PUDP: variants seen among roughly 807,000 people sequenced by gnomAD.
PUDP encodes the protein pseudouridine 5'-phosphatase.
Under a neutral mutation model 9.4 loss-of-function variants are expected in PUDP, and 8 were observed. That is an observed-to-expected ratio of 0.85 (90% CI 0.50 to 1.53). PUDP has a LOEUF of 1.53. Ranked by LOEUF, PUDP falls within the 40% of genes most tolerant of loss-of-function variation. The probability of loss-of-function intolerance (pLI) is 0.00; values close to 1 mark genes in which losing one functional copy is unlikely to be tolerated. For missense variants in PUDP, 188 were observed against 189.7 expected (o/e 0.99, Z 0.05); for synonymous variants, 99 against 80.7 (o/e 1.23, Z -1.22).
intron 3 of PUDP, among the ~76,000 whole-genome samples, chrX:6,763,854 C>T (rs1296515974): frequency 1.8e-5 from 2 of 111,972 alleles, no homozygotes; most frequent in Non-Finnish European, 3.8e-5. Context: ...TGTTCAGCAG[C>T]AAGGGTGTTT....
At chrX:6,851,507 A>AGT (rs764083736) in intron 3 of PUDP, among the ~76,000 whole-genome samples, 3 of 111,389 alleles carry the variant, frequency 2.7e-5, no homozygotes, top group Non-Finnish European at 5.7e-5. Context: ...GGAGAGAGAG[A>AGT]GAGAGAAGGG....
At chrX:7,084,964 T>G (rs1931220332) in intron 2 of PUDP, 1 of 112,198 alleles carries the variant, frequency 8.9e-6, no homozygotes, top group African/African-American at 3.2e-5. Context: ...GCATTCTCCT[T>G]TACACAAGAC....
intron 3 of PUDP, among the ~76,000 whole-genome samples, chrX:6,976,395 G>C (rs1229547259): frequency 9.0e-6 from 1 of 111,577 alleles, no homozygotes; most frequent in Non-Finnish European, 1.9e-5. Flanking sequence ...ATAGAATCTG[G>C]GCCAGAATGC....
chrX:6,955,748 C>T (rs904452980), intron 3 of PUDP, among the ~76,000 whole-genome samples: 4 of 111,517 alleles, frequency 3.6e-5, no homozygotes, highest in South Asian at 7.6e-4. Context: ...GGATCCTATG[C>T]TTTTATTTCT....
intron 3 of PUDP, among the ~76,000 whole-genome samples, chrX:6,728,988 G>A (rs1924777064): frequency 1.8e-5 from 2 of 111,284 alleles, no homozygotes; most frequent in South Asian, 7.6e-4. Context: ...TGCAATTTGG[G>A]CTTGTCTGGC....
At chrX:6,996,610 GTA>G (rs201384472) in intron 1 of PUDP, among the ~76,000 whole-genome samples, 17 of 103,142 alleles carry the variant, frequency 1.6e-4, no homozygotes, top group African/African-American at 3.2e-4. Flanking sequence ...ACATACATAT[GTA>G]TATATATATA....
chrX:7,137,558 C>T (rs1388702683), intron 1 of PUDP, among the ~76,000 whole-genome samples: 1 of 111,517 alleles, frequency 9.0e-6, no homozygotes, highest in Non-Finnish European at 1.9e-5. Context: ...AAAACAAACA[C>T]ACAAACAAAC....
intron 1 of PUDP, among the ~76,000 whole-genome samples, chrX:7,139,923 G>A (rs1047060449): frequency 8.9e-6 from 1 of 111,845 alleles, no homozygotes; most frequent in Non-Finnish European, 1.9e-5. Context: ...GTGGCCAGCT[G>A]CACCAGGGTC....
chrX:6,743,286 C>T (rs1391251101), intron 3 of PUDP, among the ~76,000 whole-genome samples: 2 of 112,042 alleles, frequency 1.8e-5, no homozygotes, highest in South Asian at 3.7e-4. Context: ...AGTTTCATCA[C>T]GAATAAAATT....
rs183135040 is a variant in PUDP, at chrX:7,134,624, T to C, written c.61+13429A>G. On this transcript the variant is annotated intron_variant, in intron 1 of 3. Transcript: ENST00000381077. ...GGGTAGCAAATGGCAAAAAGTAAGC[T>C]AGACCTTTATGTCTACAGGTATTGT... Among the ~76,000 whole-genome samples, 3 of 112,199 alleles carry C rather than the reference T, an allele frequency of 2.7e-5. No individual in the cohort carries two copies. The East Asian group carries it at 8.4e-4, about 31-fold the overall frequency.
intron 3 of PUDP, among the ~76,000 whole-genome samples, chrX:6,969,613 A>C (rs1327721732): frequency 4.4e-5 from 5 of 112,546 alleles, no homozygotes; most frequent in Non-Finnish European, 7.5e-5. Context: ...GCAGTGGCTC[A>C]TGCTTATAAT....
intron 3 of PUDP, among the ~76,000 whole-genome samples, chrX:6,850,097 G>C (rs1231308958): frequency 1.8e-5 from 2 of 109,454 alleles, no homozygotes; most frequent in Non-Finnish European, 3.8e-5. Flanking sequence ...GGTTCTAGAA[G>C]GGGCAAGACA....
intron 1 of PUDP, among the ~76,000 whole-genome samples, chrX:6,716,735 T>G (rs975964942): frequency 1.1e-4 from 12 of 110,901 alleles, no homozygotes; most frequent in African/African-American, 3.9e-4. Flanking sequence ...TGGGTCCAAG[T>G]GACCCCTGTG....
intron 3 of PUDP, among the ~76,000 whole-genome samples, chrX:6,905,598 C>G (rs183398636): frequency 2.1e-4 from 23 of 111,210 alleles, no homozygotes; most frequent in South Asian, 1.2e-3. Flanking sequence ...GGGAAATCCT[C>G]CCCCATGATC....
chrX:6,774,902 G>A (rs1925423242), intron 3 of PUDP, among the ~76,000 whole-genome samples: 1 of 112,519 alleles, frequency 8.9e-6, no homozygotes. Context: ...ATGAATGCCT[G>A]TTCTCCAAAC....
intron 1 of PUDP, among the ~76,000 whole-genome samples, chrX:7,039,587 C>T (rs960960333): frequency 3.6e-4 from 40 of 111,751 alleles, no homozygotes; most frequent in Non-Finnish European, 7.0e-4. Flanking sequence ...AGGGAGAAGA[C>T]ACCACCTACA....
chrX:6,877,417 A>G (rs1452126416), intron 3 of PUDP, among the ~76,000 whole-genome samples: 2 of 111,892 alleles, frequency 1.8e-5, no homozygotes, highest in Non-Finnish European at 3.8e-5. Flanking sequence ...CATCTCTTAG[A>G]CTTACGGGAT....
chrX:7,087,919 T>G, intron 2 of PUDP, among the ~76,000 whole-genome samples: 1 of 111,127 alleles, frequency 9.0e-6, no homozygotes, highest in African/African-American at 3.3e-5. Flanking sequence ...CGGCCTAAAC[T>G]CCTCCAGCCA....
intron 3 of PUDP, among the ~76,000 whole-genome samples, chrX:6,950,354 A>AC (rs1261265717): frequency 1.9e-5 from 2 of 104,967 alleles, no homozygotes; most frequent in Non-Finnish European, 3.9e-5. Context: ...AAAAAAAAAA[A>AC]GATGGAGTCA....
Sources: gnomAD v4.1 joint callset for allele counts (sites outside exome capture counted in the v4.1 genomes callset) on GRCh38, gnomAD v4.1.1 for gene constraint, MANE v1.5 for transcripts, NCBI Gene and HGNC (gene_info 2026-07-23, HGNC 2026-07-21) for gene names.